The following PRKCQ variants were observed in gnomAD, a reference collection of about 807,000 sequenced individuals.
The protein encoded by PRKCQ is protein kinase C theta.
A neutral mutation model predicts 91.2 loss-of-function variants in PRKCQ; 41 were observed. The observed-to-expected ratio is 0.45, with a 90% CI of 0.35 to 0.58. The LOEUF is 0.58. Ranked by LOEUF, PRKCQ falls within the 20% of genes least tolerant of loss-of-function variation. The probability of loss-of-function intolerance (pLI) is 0.00; values close to 1 mark genes in which losing one functional copy is unlikely to be tolerated. For synonymous variants in PRKCQ, 307 were observed against 316.9 expected, an observed-to-expected ratio of 0.97 and a Z score of 0.33; for missense variants, 673 against 896.5, an observed-to-expected ratio of 0.75 and a Z score of 3.18.
At chr10:6,526,768 A>G (rs1334485716) in intron 1 of PRKCQ, among the ~76,000 whole-genome samples, 1 of 152,176 alleles carries the variant, frequency 6.6e-6, no homozygotes, top group African/African-American at 2.4e-5. Flanking sequence ...ACACCGCCCG[A>G]GGGGTCTACG....
chr10:6,516,553 T>C (rs1216698187), intron 1 of PRKCQ, among the ~76,000 whole-genome samples: 1 of 152,204 alleles, frequency 6.6e-6, no homozygotes, highest in Admixed American at 6.5e-5. Context: ...TCTTTGAGAA[T>C]CCCTTCTTTC....
chr10:6,496,219 A>G (rs1448338596), intron 7 of PRKCQ, among the ~76,000 whole-genome samples: 6 of 48,560 alleles, frequency 1.2e-4, no homozygotes, highest in African/African-American at 3.0e-4. Context: ...TCCATCTCAA[A>G]AAAAAAAAAA....
At chr10:6,561,262 C>T (rs1276204202) in intron 1 of PRKCQ, among the ~76,000 whole-genome samples, 1 of 149,476 alleles carries the variant, frequency 6.7e-6, no homozygotes, top group Non-Finnish European at 1.5e-5. Context: ...ATCCTAGCTA[C>T]TCAGGAGGCT....
chr10:6,537,892 C>T (rs1415304193), intron 1 of PRKCQ, among the ~76,000 whole-genome samples: 2 of 152,238 alleles, frequency 1.3e-5, no homozygotes, highest in African/African-American at 4.8e-5. Flanking sequence ...CGCCCCCCTT[C>T]CCTGCACTTC....
chr10:6,529,842 C>T (rs1839327694), intron 1 of PRKCQ, among the ~76,000 whole-genome samples: 1 of 152,098 alleles, frequency 6.6e-6, no homozygotes, highest in African/African-American at 2.4e-5. Flanking sequence ...ATGAATTAAT[C>T]CATGGAAAAT....
chr10:6,532,572 C>A (rs189975073), intron 1 of PRKCQ, among the ~76,000 whole-genome samples: 10 of 152,268 alleles, frequency 6.6e-5, no homozygotes, highest in Non-Finnish European at 1.5e-4. Flanking sequence ...CCCACCCCGA[C>A]TGCACCCAAT....
intron 1 of PRKCQ, among the ~76,000 whole-genome samples, chr10:6,567,958 C>G (rs1010877247): frequency 3.9e-5 from 6 of 152,082 alleles, no homozygotes; most frequent in African/African-American, 1.4e-4. Flanking sequence ...ATAGGCTGGG[C>G]GTGGTGGCTC....
At chr10:6,546,687 T>C (rs1373940470) in intron 1 of PRKCQ, among the ~76,000 whole-genome samples, 2 of 152,138 alleles carry the variant, frequency 1.3e-5, no homozygotes, top group Non-Finnish European at 2.9e-5. Context: ...ACAGGGACAA[T>C]TTGACTTCCT....
intron 10 of PRKCQ, 24 bp from the exon 11 acceptor site, chr10:6,483,624 A>C (rs1165574946): frequency 1.9e-6 from 3 of 1,612,768 alleles, no homozygotes; most frequent in Non-Finnish European, 2.5e-6. Context: ...CTGGTGGTTA[A>C]AAATGAACAT....
intron 1 of PRKCQ, among the ~76,000 whole-genome samples, chr10:6,564,815 C>G (rs1415524006): frequency 1.3e-5 from 2 of 152,146 alleles, no homozygotes; most frequent in Non-Finnish European, 2.9e-5. Flanking sequence ...TAAACAATGT[C>G]AAATAAAGAA....
In PRKCQ at chr10:6,542,383, A is replaced by T. The variant is rs556562499; in HGVS notation, c.-9-27239T>A. ...TGCATTCTGATGTCATGGGAAGAAC[A>T]CATAAGTCCTCTCTTCAGTAATAAC... is the stretch of plus-strand genomic sequence containing the variant. On this transcript the variant is annotated intron_variant, in intron 1 of 17. Coordinates refer to ENST00000263125, the MANE Select transcript of PRKCQ (RefSeq NM_006257.5). 3.7e-4 allele frequency among the ~76,000 whole-genome samples: 56 copies of T among 152,360 alleles called. 1 individual carries two copies. Among genetic ancestry groups the T allele is most frequent in the Admixed American group, 9.8e-4 (15 of 15,304 alleles).
intron 15 of PRKCQ, among the ~76,000 whole-genome samples, chr10:6,448,502 G>A (rs375807243): frequency 2.6e-4 from 40 of 151,878 alleles, no homozygotes; most frequent in African/African-American, 8.9e-4. Flanking sequence ...TCCGCCTCCC[G>A]GGTTCAGGCA....
At chr10:6,578,240 C>A (rs911244001) in intron 1 of PRKCQ, among the ~76,000 whole-genome samples, 8 of 152,128 alleles carry the variant, frequency 5.3e-5, no homozygotes, top group Non-Finnish European at 8.8e-5. Context: ...GGAGCTGCAC[C>A]GTGTATGGTG....
intron 10 of PRKCQ, 80 bp from the exon 11 acceptor site, chr10:6,483,680 T>G: frequency 6.6e-7 from 1 of 1,507,284 alleles, no homozygotes; most frequent in Non-Finnish European, 9.1e-7. Context: ...ATGCTTTCTC[T>G]TCTACTTCCC....
intron 1 of PRKCQ, among the ~76,000 whole-genome samples, chr10:6,575,914 C>T (rs973855334): frequency 6.6e-6 from 1 of 151,086 alleles, no homozygotes; most frequent in African/African-American, 2.5e-5. Flanking sequence ...GCAGCGCGTG[C>T]CTATAGTCCC....
chr10:6,529,859 G>C (rs908240983), intron 1 of PRKCQ, among the ~76,000 whole-genome samples: 1 of 152,170 alleles, frequency 6.6e-6, no homozygotes, highest in African/African-American at 2.4e-5. Context: ...AAATGCGTAT[G>C]ACAGTGTTTG....
chr10:6,526,327 T>C (rs1426763694), intron 1 of PRKCQ, among the ~76,000 whole-genome samples: 1 of 152,192 alleles, frequency 6.6e-6, no homozygotes, highest in Non-Finnish European at 1.5e-5. Flanking sequence ...AGGCACTAAG[T>C]GTCTTAGGAC....
At chr10:6,544,080 C>T (rs982077525) in intron 1 of PRKCQ, among the ~76,000 whole-genome samples, 5 of 152,238 alleles carry the variant, frequency 3.3e-5, no homozygotes, top group African/African-American at 1.2e-4. Flanking sequence ...TACTATGGTA[C>T]CTTTACCATC....
At chr10:6,509,826 T>C (rs1838380617) in intron 3 of PRKCQ, among the ~76,000 whole-genome samples, 1 of 152,230 alleles carries the variant, frequency 6.6e-6, no homozygotes, top group Admixed American at 6.5e-5. Context: ...TTGGCATATA[T>C]TTGTCTCTAA....
Sources: allele counts gnomAD v4.1 joint callset (sites outside exome capture counted in the v4.1 genomes callset), GRCh38; gene constraint gnomAD v4.1.1; transcripts MANE v1.5; gene names NCBI Gene and HGNC (gene_info 2026-07-23, HGNC 2026-07-21).